Variants in ALS2 observed in about 807,000 individuals in gnomAD.
ALS2 encodes alsin.
In ALS2, 117 loss-of-function variants were observed where a neutral mutation model predicts 203.4. The observed-to-expected ratio is 0.58, with a 90% CI of 0.50 to 0.67. ALS2 has a LOEUF of 0.67. Among genes scored for constraint, ALS2 ranks in the 30% least tolerant of loss-of-function variants. The pLI is 0.00. For synonymous variants in ALS2, 718 were observed against 725.9 expected, an observed-to-expected ratio of 0.99 and a Z score of 0.17; for missense variants, 1,715 against 1,989.4, an observed-to-expected ratio of 0.86 and a Z score of 2.62.
At chr2:201,746,170 T>G (rs555818751) in intron 9 of ALS2, among the ~76,000 whole-genome samples, 2 of 152,150 alleles carry the variant, frequency 1.3e-5, no homozygotes, top group Admixed American at 6.5e-5. Flanking sequence ...CATAGTAAAA[T>G]GTACTTTCCA....
Position 201,701,730 on chromosome 2 carries a change from CCT to C in ALS2, c.*119_*120del. The stretch of plus-strand genomic sequence containing the variant: ...TTATTGGTAAGGCTCATTCTAACAA[CCT>C]AAATAACACAAAGTCCTTTCCAATT... On this transcript the variant is annotated 3_prime_UTR_variant, in exon 34 of 34. Coordinates refer to ENST00000264276, the MANE Select transcript of ALS2 (RefSeq NM_020919.4). 2 of 946,892 alleles carry C rather than the reference CCT, an allele frequency of 2.1e-6. No homozygotes were observed. Among genetic ancestry groups the C allele is most frequent in the Non-Finnish European group, 3.4e-6 (2 of 590,794 alleles). 58.7% of individuals were successfully genotyped at this position (946,892 alleles called of 1,614,324 possible).
rs1054031459 is a variant in ALS2 at position 201,726,752 on chromosome 2, G to A, written c.3094C>T (p.Arg1032Cys). The A allele has an allele frequency of 5.0e-6, 8 of 1,614,018 alleles. No homozygotes were observed. Among genetic ancestry groups the A allele is most frequent in the Non-Finnish European group, 6.8e-6 (8 of 1,180,024 alleles). The change falls in exon 18 of 34, where the codon CGC becomes TGC. Residue 1032 changes from arginine to cysteine, a missense_variant. By Grantham distance (180) the Arg-to-Cys change is radical. This residue lies in a region of ALS2 where 1,227 missense variants were observed against 1,413.5 expected (regional missense o/e 0.87). Coordinates refer to ENST00000264276, the MANE Select transcript of ALS2 (RefSeq NM_020919.4). ...SVQRQEPPIS[R>C]SAKYTFYKDP... is the part of the protein sequence containing the mutation. Reference sequence around the variant, plus strand: ...TTGTAGAAAGTATATTTGGCACTGCGTGAAATGGGTGGTTCCTGTCTCTGA... The same window carrying A: ...TTGTAGAAAGTATATTTGGCACTGCATGAAATGGGTGGTTCCTGTCTCTGA...
chr2:201,730,069 T>C (rs1185534225), intron 13 of ALS2, among the ~76,000 whole-genome samples: 3 of 152,148 alleles, frequency 2.0e-5, no homozygotes, highest in African/African-American at 7.2e-5. Flanking sequence ...TAAAGGTATA[T>C]ATCTGGAATA....
In ALS2 at chr2:201,727,757, A is replaced by G; in HGVS notation, c.2860T>C (p.Phe954Leu). 1.9e-6 allele frequency: 3 copies of G among 1,551,700 alleles called. No homozygotes were observed. The African/African-American group carries it at 4.1e-5, about 21-fold the overall frequency. ...TCTGCCCACAGCGTGGCCAGAGGGA[A>G]AACATGGTGCGTGGAGAACTGAAAC... is the stretch of plus-strand genomic sequence containing the variant. The part of the protein sequence containing the change: ...VHAQFSTHHV[F>L]PLATLWAEPL... The change falls in exon 16 of 34, where the codon TTC (phenylalanine) becomes CTC (leucine). Residue 954 changes from phenylalanine to leucine, a missense_variant. Around this residue, in one of 3 missense-constraint regions of ALS2, gnomAD observed 1,227 missense variants for 1,413.5 expected, o/e 0.87. Coordinates refer to ENST00000264276, the MANE Select transcript of ALS2 (RefSeq NM_020919.4).
intron 25 of ALS2, among the ~76,000 whole-genome samples, chr2:201,711,657 G>A (rs2105974565): frequency 6.6e-6 from 1 of 152,194 alleles, no homozygotes; most frequent in East Asian, 1.9e-4. Flanking sequence ...AACAGAAACT[G>A]GATGAAGATA....
Position 201,704,152 on chromosome 2 carries a change from C to A in ALS2, c.4905G>T (p.Gly1635=). 3 of 1,613,544 alleles carry A rather than the reference C, an allele frequency of 1.9e-6. No individual in the cohort carries two copies. The highest frequency in any genetic ancestry group is 2.5e-6 in the Non-Finnish European group (3 of 1,179,548). Residue 1635 remains glycine (G), a synonymous_variant, in exon 33 of 34, where the codon GGG becomes GGT. Coordinates refer to ENST00000264276, the MANE Select transcript of ALS2 (RefSeq NM_020919.4). ...EDLMDPYLQH[G]EQGIMFTTLK... Reference sequence around the variant, plus strand: ...AGGTGGTGAACATTATACCCTGTTCCCCATGCTGAAGATAGGGGTCCATTA... The same window carrying A: ...AGGTGGTGAACATTATACCCTGTTCACCATGCTGAAGATAGGGGTCCATTA...
chr2:201,733,277 A>C lies in ALS2; in HGVS notation c.2579T>G (p.Val860Gly), dbSNP rs910359745. ...VLLKLATCFE[V>G]ASPEYQKLQD... Reference sequence around the variant, plus strand: ...AAAGAGGTATACATGGGAGCTTACCACTTCAAAACAAGTAGCAAGCTTTAG... The same window carrying C: ...AAAGAGGTATACATGGGAGCTTACCCCTTCAAAACAAGTAGCAAGCTTTAG... Residue 860 changes from valine to glycine, a missense_variant and splice_region_variant, in exon 13 of 34, where the codon GTG (valine) becomes GGG (glycine). Physicochemically the swap from Val to Gly is moderately radical, Grantham distance 109. Coordinates refer to ENST00000264276, the MANE Select transcript of ALS2 (RefSeq NM_020919.4). The C allele has an allele frequency of 6.2e-7, 1 of 1,613,784 alleles. No individual in the cohort carries two copies. The highest frequency in any genetic ancestry group is 8.5e-7 in the Non-Finnish European group (1 of 1,179,840).
intron 12 of ALS2, among the ~76,000 whole-genome samples, chr2:201,737,659 C>T (rs566706897): frequency 5.9e-5 from 9 of 152,220 alleles, no homozygotes; most frequent in South Asian, 4.1e-4. Flanking sequence ...TGGTGGCTCA[C>T]GCCTGTAATC....
intron 10 of ALS2, among the ~76,000 whole-genome samples, chr2:201,743,466 C>T (rs963039540): frequency 2.6e-5 from 4 of 152,090 alleles, no homozygotes; most frequent in Non-Finnish European, 4.4e-5. Flanking sequence ...CAGATTTAAT[C>T]AACTCATGCT....
At chr2:201,717,953 A>G in intron 24 of ALS2, 124 bp downstream of exon 24, 1 of 1,002,338 alleles carries the variant, frequency 1.0e-6, no homozygotes, top group Non-Finnish European at 1.4e-6. Context: ...AATAAAAATA[A>G]AATAAAATAA....
Position 201,726,472 on chromosome 2 carries a change from C to T in ALS2, c.3248+12G>A, listed in dbSNP as rs1374534829. On this transcript the variant is annotated intron_variant, in intron 19 of 33. Transcript: ENST00000264276. ...CTTGAATTTACTGTCATGTTTTACACAATTTTCTTACCCATCTTCCAAGCC... is the reference window on the plus strand; with the variant it reads ...CTTGAATTTACTGTCATGTTTTACATAATTTTCTTACCCATCTTCCAAGCC... 6.2e-7 allele frequency: 1 copy of T among 1,611,534 alleles called. No homozygotes were observed. Among genetic ancestry groups the T allele is most frequent in the Admixed American group, 1.7e-5 (1 of 60,016 alleles).
chr2:201,763,938 T>C (rs980644258), intron 3 of ALS2, among the ~76,000 whole-genome samples: 6 of 152,210 alleles, frequency 3.9e-5, no homozygotes, highest in African/African-American at 1.4e-4. Flanking sequence ...TTTTAATTAA[T>C]GAAGAAATAA....
intron 27 of ALS2, 140 bp downstream of exon 27, chr2:201,709,741 C>A (rs1224936646): frequency 9.7e-7 from 1 of 1,033,874 alleles, no homozygotes. Flanking sequence ...CTTACACATA[C>A]ATTTAAAACA....
chr2:201,780,103 C>G (rs549956709), intron 1 of ALS2: 1 of 152,354 alleles, frequency 6.6e-6, no homozygotes, highest in South Asian at 2.1e-4. Context: ...AAAGAAAGCA[C>G]TGTTCTTGGA....
intron 27 of ALS2, among the ~76,000 whole-genome samples, chr2:201,708,333 C>T (rs766971477): frequency 3.3e-5 from 5 of 151,866 alleles, no homozygotes; most frequent in East Asian, 1.9e-4. Flanking sequence ...AAGCAAACAC[C>T]GACAGAAATT....
chr2:201,759,780 G>A, intron 4 of ALS2: 2 of 985,166 alleles, frequency 2.0e-6, no homozygotes, highest in South Asian at 4.7e-5. Flanking sequence ...AGAATCAAGA[G>A]GCTATGTGGT....
At chr2:201,719,976 A>T in intron 23 of ALS2, 1 of 240,004 alleles carries the variant, frequency 4.2e-6, no homozygotes, top group South Asian at 4.2e-5. Context: ...GAAATTAAAA[A>T]TTTTCTCACA....
intron 1 of ALS2, among the ~76,000 whole-genome samples, chr2:201,771,605 A>C (rs1027478643): frequency 2.0e-4 from 31 of 152,232 alleles, no homozygotes; most frequent in African/African-American, 7.2e-4. Context: ...CATCCAGGAA[A>C]AGAAAGTAAA....
intron 1 of ALS2, among the ~76,000 whole-genome samples, chr2:201,770,069 T>C (rs1344354986): frequency 6.6e-6 from 1 of 152,244 alleles, no homozygotes; most frequent in African/African-American, 2.4e-5. Context: ...TAAGTGCTAC[T>C]ATGCTTTGTC....
Sources: allele counts gnomAD v4.1 joint callset (sites outside exome capture counted in the v4.1 genomes callset), GRCh38; gene constraint gnomAD v4.1.1; regional missense constraint gnomAD v4.1.1; transcripts MANE v1.5; gene names NCBI Gene and HGNC (gene_info 2026-07-23, HGNC 2026-07-21).